STX8: variants seen among roughly 807,000 people sequenced by gnomAD.
The protein encoded by STX8 is syntaxin-8.
In STX8, 23 loss-of-function variants were observed where a neutral mutation model predicts 37.5. The ratio of observed to expected loss-of-function variants is 0.61; its 90% CI spans 0.44 to 0.87. The LOEUF (loss-of-function observed/expected upper bound fraction) is 0.87, where lower values mean the gene tolerates loss of function less well. Among genes scored for constraint, STX8 ranks in the 40% least tolerant of loss-of-function variants. The probability of loss-of-function intolerance (pLI) is 0.00; values close to 1 mark genes in which losing one functional copy is unlikely to be tolerated. For missense variants in STX8, 313 were observed against 284.7 expected (o/e 1.10, Z -0.71); for synonymous variants, 115 against 99.1 (o/e 1.16, Z -0.95).
intron 4 of STX8, among the ~76,000 whole-genome samples, chr17:9,506,871 C>T (rs77369338): frequency 0.046 from 6,965 of 152,024 alleles, 574 homozygotes; most frequent in African/African-American, 0.16. Context: ...CTGGAGTGTG[C>T]CTTCCTCTTG....
At chr17:9,447,638 G>C (rs2142396809) in intron 6 of STX8, among the ~76,000 whole-genome samples, 1 of 152,046 alleles carries the variant, frequency 6.6e-6, no homozygotes, top group African/African-American at 2.4e-5. Flanking sequence ...GGCCAGGCTG[G>C]TCTCGAACTC....
At chr17:9,259,800 C>G (rs565082696) in intron 7 of STX8, among the ~76,000 whole-genome samples, 1 of 152,250 alleles carries the variant, frequency 6.6e-6, no homozygotes, top group South Asian at 2.1e-4. Flanking sequence ...ACAAGGAGCA[C>G]CCGACTTTAT....
chr17:9,509,207 C>T (rs768640292), intron 4 of STX8, among the ~76,000 whole-genome samples: 2 of 152,146 alleles, frequency 1.3e-5, no homozygotes, highest in Non-Finnish European at 2.9e-5. Flanking sequence ...TGAGACCACG[C>T]TACTGCACTC....
At chr17:9,288,554 C>T (rs1047786783) in intron 7 of STX8, among the ~76,000 whole-genome samples, 9 of 151,886 alleles carry the variant, frequency 5.9e-5, no homozygotes, top group African/African-American at 2.2e-4. Context: ...CCCAGCTACT[C>T]GGGAGGCTGA....
intron 6 of STX8, among the ~76,000 whole-genome samples, chr17:9,398,823 T>C (rs986108468): frequency 2.6e-5 from 4 of 152,026 alleles, no homozygotes; most frequent in African/African-American, 9.7e-5. Flanking sequence ...CCGAGGCTGG[T>C]GGATCACTTA....
chr17:9,308,539 A>C (rs1307292684), intron 7 of STX8, among the ~76,000 whole-genome samples: 2 of 152,050 alleles, frequency 1.3e-5, no homozygotes, highest in Non-Finnish European at 2.9e-5. Context: ...CCTGGCCAAG[A>C]TGGTGAAACC....
chr17:9,557,538 A>G lies in STX8; in HGVS notation c.118-10T>C, dbSNP rs761414880. 6 of 1,612,296 alleles carry G rather than the reference A, an allele frequency of 3.7e-6. No individual in the cohort carries two copies. Among genetic ancestry groups the G allele is most frequent in the Non-Finnish European group, 5.1e-6 (6 of 1,178,384 alleles). On this transcript the variant is annotated splice_polypyrimidine_tract_variant and intron_variant, in intron 2 of 7. Coordinates refer to ENST00000306357, the MANE Select transcript of STX8 (RefSeq NM_004853.3). Reference sequence around the variant, plus strand: ...TGATTGTCACGGTAAGCTGAAAAGAAAAGAACACATCCTAAGTATTCTAGT... The same window carrying G: ...TGATTGTCACGGTAAGCTGAAAAGAGAAGAACACATCCTAAGTATTCTAGT...
chr17:9,323,587 G>T (rs750054040), intron 7 of STX8, among the ~76,000 whole-genome samples: 1 of 151,518 alleles, frequency 6.6e-6, no homozygotes, highest in Non-Finnish European at 1.5e-5. Flanking sequence ...TGGGATCACC[G>T]AATGCCTCTC....
chr17:9,254,560 T>A (rs1437031950), intron 7 of STX8, among the ~76,000 whole-genome samples: 1 of 152,084 alleles, frequency 6.6e-6, no homozygotes, highest in Non-Finnish European at 1.5e-5. Context: ...TATGCCCGGC[T>A]AATTTTTGTA....
chr17:9,468,337 T>C (rs1443698443), intron 6 of STX8, among the ~76,000 whole-genome samples: 1 of 152,152 alleles, frequency 6.6e-6, no homozygotes, highest in African/African-American at 2.4e-5. Context: ...CTCAAACTCC[T>C]GACCTCAAGT....
intron 6 of STX8, among the ~76,000 whole-genome samples, chr17:9,468,361 C>T (rs749792546): frequency 1.3e-5 from 2 of 152,140 alleles, no homozygotes; most frequent in Non-Finnish European, 2.9e-5. Context: ...CCAGCCGCCT[C>T]GACCTCCCAA....
chr17:9,510,490 T>C (rs1278066867), intron 4 of STX8, among the ~76,000 whole-genome samples: 1 of 151,926 alleles, frequency 6.6e-6, no homozygotes, highest in Non-Finnish European at 1.5e-5. Flanking sequence ...TACAAACACA[T>C]GGAAATTAAA....
At chr17:9,272,272 T>C (rs1318272927) in intron 7 of STX8, among the ~76,000 whole-genome samples, 2 of 152,234 alleles carry the variant, frequency 1.3e-5, no homozygotes, top group African/African-American at 4.8e-5. Context: ...CTGACACAGA[T>C]GGCCTTGGCC....
chr17:9,539,681 C>G (rs1305324696), intron 4 of STX8, among the ~76,000 whole-genome samples: 2 of 146,334 alleles, frequency 1.4e-5, no homozygotes, highest in Non-Finnish European at 3.0e-5. Flanking sequence ...CACCCCAAAA[C>G]CAAGAACTAC....
chr17:9,567,772 C>T (rs988690736), intron 2 of STX8, among the ~76,000 whole-genome samples: 5 of 152,126 alleles, frequency 3.3e-5, no homozygotes, highest in African/African-American at 9.7e-5. Flanking sequence ...CTGCAGCCTC[C>T]ACCTCCCAGG....
intron 6 of STX8, among the ~76,000 whole-genome samples, chr17:9,470,545 G>T (rs1905803938): frequency 6.6e-6 from 1 of 152,182 alleles, no homozygotes; most frequent in African/African-American, 2.4e-5. Flanking sequence ...TTTGTCTTAA[G>T]CGGCTTTCAC....
intron 7 of STX8, among the ~76,000 whole-genome samples, chr17:9,295,519 C>A (rs76609956): frequency 1.7e-3 from 263 of 152,242 alleles, no homozygotes; most frequent in African/African-American, 6.1e-3. Flanking sequence ...CTGAGGCGGG[C>A]AAATCACGAG....
intron 1 of STX8, among the ~76,000 whole-genome samples, chr17:9,569,067 A>G (rs1275796803): frequency 1.3e-5 from 2 of 152,328 alleles, no homozygotes; most frequent in South Asian, 2.1e-4. Flanking sequence ...GACTTGCCCA[A>G]GTGGTTCTGC....
intron 4 of STX8, among the ~76,000 whole-genome samples, chr17:9,509,244 A>G (rs2142506288): frequency 6.6e-6 from 1 of 152,296 alleles, no homozygotes; most frequent in Admixed American, 6.5e-5. Flanking sequence ...GCAAGACTCC[A>G]TCTCAAAAAC....
Sources: allele counts gnomAD v4.1 joint callset (sites outside exome capture counted in the v4.1 genomes callset), GRCh38; gene constraint gnomAD v4.1.1; transcripts MANE v1.5; gene names NCBI Gene and HGNC (gene_info 2026-07-23, HGNC 2026-07-21).